The following CFAP74 variants were observed in gnomAD, a reference collection of about 807,000 sequenced individuals.
The protein encoded by CFAP74 is cilia and flagella associated protein 74.
In CFAP74, 124 loss-of-function variants were observed where a neutral mutation model predicts 188.9. The ratio of observed to expected loss-of-function variants is 0.66; its 90% CI spans 0.57 to 0.76. The LOEUF (loss-of-function observed/expected upper bound fraction) is 0.76. Among genes scored for constraint, CFAP74 ranks in the 30% least tolerant of loss-of-function variants. The pLI is 0.00. For missense variants in CFAP74, 2,198 were observed against 2,165.2 expected, an observed-to-expected ratio of 1.02 and a Z score of -0.30; for synonymous variants, 956 against 916.7, an observed-to-expected ratio of 1.04 and a Z score of -0.77.
rs190041659 is a variant in CFAP74, at chr1:1,954,766, G to A, written c.2176+925C>T. 5.7e-5 allele frequency: 57 copies of A among 1,001,136 alleles called. 1 individual carries two copies. The East Asian group carries it at 5.4e-3, about 94-fold the overall frequency. The allele number at this position is 1,001,136 out of a possible 1,614,324, so 62.0% of individuals were successfully genotyped here. On this transcript the variant is annotated intron_variant, in intron 18 of 38. Coordinates refer to ENST00000682832, the MANE Select transcript of CFAP74 (RefSeq NM_001304360.2). ...CCACTGCACTCCAGCCTAGGCGACA[G>A]AGACCCTGTCTCAACATAAAAAGAA...
intron 1 of CFAP74, among the ~76,000 whole-genome samples, chr1:2,001,431 G>A (rs1258925525): frequency 2.6e-5 from 4 of 151,848 alleles, no homozygotes; most frequent in African/African-American, 4.8e-5. Flanking sequence ...CTGGGTTCAC[G>A]CCATTCTCCT....
intron 1 of CFAP74, among the ~76,000 whole-genome samples, chr1:2,002,706 T>C (rs1658266472): frequency 6.6e-6 from 1 of 150,384 alleles, no homozygotes; most frequent in African/African-American, 2.4e-5. Flanking sequence ...TGTAGTATTA[T>C]ATGAAGTTTA....
intron 18 of CFAP74, among the ~76,000 whole-genome samples, chr1:1,952,778 C>T (rs1046557247): frequency 5.3e-5 from 8 of 151,990 alleles, no homozygotes; most frequent in African/African-American, 1.7e-4. Flanking sequence ...CCTTTGTCCC[C>T]CAAGTAGCTG....
intron 5 of CFAP74, among the ~76,000 whole-genome samples, chr1:1,985,764 C>T (rs1162656799): frequency 6.6e-6 from 1 of 152,368 alleles, no homozygotes; most frequent in East Asian, 1.9e-4. Flanking sequence ...CCCCTGGGGG[C>T]AGCAGCCATC....
At chr1:1,925,485 G>A (rs369383633) in intron 33 of CFAP74, among the ~76,000 whole-genome samples, 1 of 152,118 alleles carries the variant, frequency 6.6e-6, no homozygotes, top group East Asian at 1.9e-4. Flanking sequence ...CAGGGGGTGG[G>A]TGGTGGGTGG....
rs544936742 is a variant in CFAP74, at chr1:1,960,036, G to A, written c.1695-6C>T. On this transcript the variant is annotated splice_polypyrimidine_tract_variant and splice_region_variant and intron_variant, in intron 14 of 38. Transcript: ENST00000682832. ...GGGGGCCAGGGGGGTCAAAGCTGCA[G>A]GACGTGACCCATAGCACACGGGGGT... is the stretch of plus-strand genomic sequence containing the variant. 6.3e-7 allele frequency: 1 copy of A among 1,593,944 alleles called. No homozygotes were observed. The highest frequency in any genetic ancestry group is 1.4e-5 in the African/African-American group (1 of 72,918).
At position 1,966,358 on chromosome 1, in the gene CFAP74, C is replaced by A; in HGVS notation, c.1401+13G>T. On this transcript the variant is annotated intron_variant, in intron 12 of 38. Coordinates refer to ENST00000682832, the MANE Select transcript of CFAP74 (RefSeq NM_001304360.2). ...GTCCGTCTGCAAGCGTCTAAAGGAG[C>A]AGGAGCTGATACCTGGTATGGCTTG... 6.6e-7 allele frequency: 1 copy of A among 1,515,980 alleles called. No individual in the cohort carries two copies. Among genetic ancestry groups the A allele is most frequent in the South Asian group, 1.3e-5 (1 of 79,844 alleles). 93.9% of individuals were successfully genotyped at this position (1,515,980 alleles called of 1,614,324 possible). A position where few individuals can be genotyped will look rare whatever the true frequency, so the allele number is the denominator to read the frequency against.
At chr1:1,970,376 G>C (rs528031247) in intron 10 of CFAP74, among the ~76,000 whole-genome samples, 2 of 152,122 alleles carry the variant, frequency 1.3e-5, no homozygotes, top group Non-Finnish European at 2.9e-5. Context: ...GACAGGAGCC[G>C]GAGGCTCTCG....
chr1:1,986,258 A>T (rs1657229271), intron 5 of CFAP74, among the ~76,000 whole-genome samples: 1 of 152,190 alleles, frequency 6.6e-6, no homozygotes, highest in African/African-American at 2.4e-5. Flanking sequence ...GTGGTGGCAC[A>T]TGCCTGTAAT....
At chr1:1,985,618 C>T (rs961209480) in intron 5 of CFAP74, 128 bp from the exon 6 acceptor site, 6 of 733,362 alleles carry the variant, frequency 8.2e-6, no homozygotes, top group Non-Finnish European at 1.2e-5. Flanking sequence ...GCCACCTAGC[C>T]AATGGAGCGT....
intron 6 of CFAP74, chr1:1,984,586 G>A (rs4648747): frequency 0.31 from 46,609 of 151,866 alleles, 7,274 homozygotes; most frequent in Non-Finnish European, 0.34. Flanking sequence ...GGTCGTGACT[G>A]TATCACAGCG....
chr1:1,975,350 C>T lies in CFAP74; in HGVS notation c.501-1152G>A, dbSNP rs17777942. Among the ~76,000 whole-genome samples the T allele has an allele frequency of 0.023, 3,503 of 152,260 alleles. 81 individuals carry two copies. Among genetic ancestry groups the T allele is most frequent in the Non-Finnish European group, 0.032 (2,160 of 68,026 alleles). ...ACGTGTTAATGTCAAGGATTTCTAA[C>T]GTTGAGCCTTTTTCGGGGCTCCTAG... On this transcript the variant is annotated intron_variant, in intron 6 of 38. Coordinates refer to ENST00000682832, the MANE Select transcript of CFAP74 (RefSeq NM_001304360.2). This position sits in a 1 kb window ranked among gnomAD's most constrained non-coding sequence, Gnocchi z 4.5.
intron 14 of CFAP74, among the ~76,000 whole-genome samples, chr1:1,960,744 T>C (rs1048239275): frequency 2.6e-5 from 4 of 152,100 alleles, no homozygotes; most frequent in African/African-American, 7.2e-5. Flanking sequence ...GCTCCTCCAA[T>C]TGGGAGGGAA....
chr1:1,964,985 T>TCCACC lies in CFAP74; in HGVS notation c.1473_1477dup (p.Glu493GlyfsTer50). On this transcript the variant is annotated frameshift_variant, in exon 13 of 39. Coordinates refer to ENST00000682832, the MANE Select transcript of CFAP74 (RefSeq NM_001304360.2). LOFTEE classifies it high-confidence loss of function. ...GTGGACCACCCTGCTCCGCAGCCGCTCCACCGTGCGCTCCAGGATGTCCTT... is the reference window on the plus strand; with the variant it reads ...GTGGACCACCCTGCTCCGCAGCCGCTCCACCCCACCGTGCGCTCCAGGATGTCCTT... 1 of 1,613,944 alleles carries TCCACC rather than the reference T, an allele frequency of 6.2e-7. No individual in the cohort carries two copies. The highest frequency in any genetic ancestry group is 8.5e-7 in the Non-Finnish European group (1 of 1,179,916).
In CFAP74 at chr1:1,923,052, G is replaced by C. The variant is rs1328797424; in HGVS notation, c.4616C>G (p.Pro1539Arg). The C allele has an allele frequency of 6.8e-6, 11 of 1,608,658 alleles. No individual in the cohort carries two copies. Among genetic ancestry groups the C allele is most frequent in the Non-Finnish European group, 9.3e-6 (11 of 1,178,802 alleles). The change falls in exon 37 of 39, where the codon CCA (proline) becomes CGA (arginine). Residue 1539 changes from proline (P) to arginine (R), a missense_variant. Coordinates refer to ENST00000682832, the MANE Select transcript of CFAP74 (RefSeq NM_001304360.2). This position sits in a 1 kb window ranked among gnomAD's most constrained non-coding sequence, Gnocchi z 6.3. Reference sequence around the variant, plus strand: ...CAGCTCTCGGGTGGCAGGTGGGGCTGGCGTGTCTGTGTCAAACTGGATGTA... The same window carrying C: ...CAGCTCTCGGGTGGCAGGTGGGGCTCGCGTGTCTGTGTCAAACTGGATGTA... ...LDYIQFDTDT[P>R]APPATRELQV... is the part of the protein sequence containing the mutation.
At chr1:1,957,581 G>C in intron 16 of CFAP74, among the ~76,000 whole-genome samples, 1 of 152,188 alleles carries the variant, frequency 6.6e-6, no homozygotes, top group South Asian at 2.1e-4. Context: ...CGGTGCTCCT[G>C]TCACAGAGGA....
At chr1:1,933,290 TC>T (rs1443865240) in intron 25 of CFAP74, among the ~76,000 whole-genome samples, 2 of 150,600 alleles carry the variant, frequency 1.3e-5, no homozygotes, top group African/African-American at 4.9e-5. Context: ...TTCAAGCGAC[TC>T]TCCTGCTTCA....
In CFAP74 at chr1:1,973,708, A is replaced by T. The variant is rs947873530; in HGVS notation, c.674+317T>A. On this transcript the variant is annotated intron_variant, in intron 7 of 38. Transcript: ENST00000682832. The surrounding 1 kb of genome is among the most constrained non-coding windows in gnomAD (Gnocchi z 6.2). ...CCCAGAGAATGGCCTGGCTGGGAAGAGGAAGGGGCTGCCGGAGGGAAAGGG... is the reference window on the plus strand; with the variant it reads ...CCCAGAGAATGGCCTGGCTGGGAAGTGGAAGGGGCTGCCGGAGGGAAAGGG... 6.6e-6 allele frequency among the ~76,000 whole-genome samples: 1 copy of T among 151,658 alleles called. No homozygotes were observed. Among genetic ancestry groups the T allele is most frequent in the Non-Finnish European group, 1.5e-5 (1 of 67,896 alleles).
intron 10 of CFAP74, among the ~76,000 whole-genome samples, chr1:1,969,607 T>G (rs978985436): frequency 1.3e-5 from 2 of 152,288 alleles, no homozygotes; most frequent in South Asian, 4.1e-4. Flanking sequence ...CTAAAGATGT[T>G]CATCCACTCA....
Sources: allele counts gnomAD v4.1 joint callset (sites outside exome capture counted in the v4.1 genomes callset), GRCh38; gene constraint gnomAD v4.1.1; non-coding constraint Gnocchi (gnomAD v3.1); transcripts MANE v1.5; gene names NCBI Gene and HGNC (gene_info 2026-07-23, HGNC 2026-07-21).